The following CAMK4 variants were observed in gnomAD, a reference collection of about 807,000 sequenced individuals.
CAMK4 encodes the protein calcium/calmodulin-dependent protein kinase type IV.
CAMK4 carries 22 observed loss-of-function variants against 44.9 expected under a neutral mutation model. The ratio of observed to expected loss-of-function variants is 0.49; its 90% CI spans 0.35 to 0.70. CAMK4 has a LOEUF of 0.70. Among genes scored for constraint, CAMK4 ranks in the 30% least tolerant of loss-of-function variants. CAMK4 has a pLI of 0.01. For missense variants in CAMK4, 498 were observed against 586.8 expected, an observed-to-expected ratio of 0.85 and a Z score of 1.56; for synonymous variants, 218 against 215.4, an observed-to-expected ratio of 1.01 and a Z score of -0.11.
intron 1 of CAMK4, among the ~76,000 whole-genome samples, chr5:111,225,431 T>C (rs1748140534): frequency 6.6e-6 from 1 of 151,892 alleles, no homozygotes; most frequent in Non-Finnish European, 1.5e-5. Flanking sequence ...TTTGTATCCA[T>C]TGAAAATTAT....
intron 1 of CAMK4, among the ~76,000 whole-genome samples, chr5:111,250,102 T>C (rs1380615165): frequency 6.6e-6 from 1 of 152,230 alleles, no homozygotes; most frequent in Non-Finnish European, 1.5e-5. Context: ...CTCTGTCTTA[T>C]GGTCTCTTCT....
chr5:111,430,885 A>G (rs528526039), intron 5 of CAMK4, among the ~76,000 whole-genome samples: 2 of 152,290 alleles, frequency 1.3e-5, no homozygotes, highest in African/African-American at 4.8e-5. Flanking sequence ...ACCCAAGGCA[A>G]TCTACAGATT....
At position 111,317,898 on chromosome 5, in the gene CAMK4, TA is replaced by T. The variant is rs3066636; in HGVS notation, c.162-26096del. ...ATCCTAAAGCCGGTGGAGTAATATG[TA>T]AAAAAAAAAAAAAAAAAAAAAAAAA... On this transcript the variant is annotated intron_variant, in intron 1 of 10. Transcript: ENST00000282356. Among the ~76,000 whole-genome samples, 691 of 69,670 alleles carry T rather than the reference TA, an allele frequency of 9.9e-3. 6 individuals carry two copies. The highest frequency in any genetic ancestry group is 0.034 in the African/African-American group (649 of 19,280). The allele number at this position is 69,670 out of a possible 152,430, so 45.7% of individuals were successfully genotyped here. A position where few individuals can be genotyped will look rare whatever the true frequency, so the allele number is the denominator to read the frequency against.
At chr5:111,354,363 G>A (rs1750235883) in intron 2 of CAMK4, among the ~76,000 whole-genome samples, 1 of 150,894 alleles carries the variant, frequency 6.6e-6, no homozygotes, top group African/African-American at 2.4e-5. Flanking sequence ...AAGATCAAAT[G>A]TATAGTATGG....
Position 111,488,380 on chromosome 5 carries a change from T to G in CAMK4, c.*3914T>G, listed in dbSNP as rs1209588126. On this transcript the variant is annotated 3_prime_UTR_variant, in exon 11 of 11. Coordinates refer to ENST00000282356, the MANE Select transcript of CAMK4 (RefSeq NM_001744.6). Reference sequence around the variant, plus strand: ...TTAACAAAAGACTTTTGAAAATTTTTTACATACTGATTTTAGAATAATCCT... The same window carrying G: ...TTAACAAAAGACTTTTGAAAATTTTGTACATACTGATTTTAGAATAATCCT... The G allele has an allele frequency of 6.6e-6, 1 of 152,220 alleles. No individual in the cohort carries two copies. Among genetic ancestry groups the G allele is most frequent in the African/African-American group, 2.4e-5 (1 of 41,460 alleles). 9.4% of individuals were successfully genotyped at this position (152,220 alleles called of 1,614,324 possible).
intron 1 of CAMK4, among the ~76,000 whole-genome samples, chr5:111,241,057 T>C (rs905799621): frequency 3.9e-5 from 6 of 152,154 alleles, no homozygotes; most frequent in South Asian, 4.1e-4. Context: ...GGTAAATTCT[T>C]TGACTGTAGT....
chr5:111,354,522 C>G (rs554371920), intron 2 of CAMK4, among the ~76,000 whole-genome samples: 6 of 151,268 alleles, frequency 4.0e-5, no homozygotes, highest in Non-Finnish European at 8.8e-5. Flanking sequence ...ATGCGTACAT[C>G]AGAACGTCAC....
intron 7 of CAMK4, among the ~76,000 whole-genome samples, chr5:111,472,498 CAAAT>C (rs1755099559): frequency 1.3e-5 from 2 of 152,138 alleles, no homozygotes; most frequent in African/African-American, 2.4e-5. Flanking sequence ...ATTAGGCAAA[CAAAT>C]AACACCCTTA....
chr5:111,300,241 T>TATTACCATTAATGAA (rs1361219990), intron 1 of CAMK4, among the ~76,000 whole-genome samples: 2 of 152,236 alleles, frequency 1.3e-5, no homozygotes, highest in African/African-American at 4.8e-5. Flanking sequence ...GAGACAGAAT[T>TATTACCATTAATGAA]ATTACCATTA....
chr5:111,467,585 C>T (rs910538256), intron 7 of CAMK4, among the ~76,000 whole-genome samples: 1 of 151,942 alleles, frequency 6.6e-6, no homozygotes, highest in Non-Finnish European at 1.5e-5. Context: ...AAATGGCTAA[C>T]AAACATATGA....
At chr5:111,257,307 A>T (rs1038465443) in intron 1 of CAMK4, among the ~76,000 whole-genome samples, 2 of 152,240 alleles carry the variant, frequency 1.3e-5, no homozygotes, top group Non-Finnish European at 1.5e-5. Context: ...ATTTACAAGA[A>T]AAAAACAACC....
In CAMK4 at chr5:111,490,808, CGTT is replaced by C. The variant is rs1554076243; in HGVS notation, c.*6345_*6347del. The C allele has an allele frequency of 6.6e-6, 1 of 152,096 alleles. No homozygotes were observed. The highest frequency in any genetic ancestry group is 1.5e-5 in the Non-Finnish European group (1 of 68,016). 9.4% of individuals were successfully genotyped at this position (152,096 alleles called of 1,614,324 possible). A position where few individuals can be genotyped will look rare whatever the true frequency, so the allele number is the denominator to read the frequency against. On this transcript the variant is annotated 3_prime_UTR_variant, in exon 11 of 11. Transcript: ENST00000282356. The stretch of plus-strand genomic sequence containing the variant: ...AAAAGTCCTCTATAAGCCAAAAGAA[CGTT>C]GTAACATATCCATTTATTAAGGAGT...
intron 1 of CAMK4, among the ~76,000 whole-genome samples, chr5:111,278,904 G>C (rs540821705): frequency 2.6e-5 from 4 of 152,154 alleles, no homozygotes; most frequent in Non-Finnish European, 2.9e-5. Flanking sequence ...ACCCTGGAGA[G>C]CTCTAGAAAG....
At chr5:111,302,330 G>T (rs1747757519) in intron 1 of CAMK4, 1 of 150,764 alleles carries the variant, frequency 6.6e-6, no homozygotes, top group African/African-American at 2.5e-5. Context: ...TCCATCTGAG[G>T]TACCGGGTTC....
At chr5:111,355,653 T>A (rs1431328133) in intron 2 of CAMK4, among the ~76,000 whole-genome samples, 1 of 122,172 alleles carries the variant, frequency 8.2e-6, no homozygotes, top group African/African-American at 3.1e-5. Flanking sequence ...CCCTCCCCCC[T>A]CCCCACACCC....
At chr5:111,326,864 G>T (rs537007228) in intron 1 of CAMK4, among the ~76,000 whole-genome samples, 11 of 151,938 alleles carry the variant, frequency 7.2e-5, no homozygotes, top group Admixed American at 3.3e-4. Flanking sequence ...ATTAAATAGG[G>T]TTGTGCATGG....
intron 1 of CAMK4, among the ~76,000 whole-genome samples, chr5:111,230,795 T>A (rs930946496): frequency 1.3e-5 from 2 of 152,066 alleles, no homozygotes; most frequent in Non-Finnish European, 2.9e-5. Flanking sequence ...TTGTTAATAT[T>A]TTTTTTCTTT....
chr5:111,475,093 G>A (rs1580802833), intron 8 of CAMK4, among the ~76,000 whole-genome samples: 1 of 152,268 alleles, frequency 6.6e-6, no homozygotes, highest in East Asian at 1.9e-4. Flanking sequence ...AACCCAGGAG[G>A]CGGAGATTGC....
chr5:111,349,677 C>T (rs2112767590), intron 2 of CAMK4, among the ~76,000 whole-genome samples: 1 of 152,056 alleles, frequency 6.6e-6, no homozygotes, highest in South Asian at 2.1e-4. Context: ...GAGTAATTCA[C>T]ATGAATTATA....
Sources: allele counts gnomAD v4.1 joint callset (sites outside exome capture counted in the v4.1 genomes callset), GRCh38; gene constraint gnomAD v4.1.1; transcripts MANE v1.5; gene names NCBI Gene and HGNC (gene_info 2026-07-23, HGNC 2026-07-21).